NID2: variants seen among roughly 807,000 people sequenced by gnomAD.
NID2 encodes the protein nidogen-2.
A neutral mutation model predicts 145.4 loss-of-function variants in NID2; 83 were observed. The observed-to-expected ratio is 0.57, with a 90% confidence interval of 0.48 to 0.69. The LOEUF (loss-of-function observed/expected upper bound fraction) is 0.69. NID2 is among the 30% of genes least tolerant of loss of function. The pLI, the probability that NID2 is intolerant of heterozygous loss-of-function variation, is 0.00. For synonymous variants in NID2, 739 were observed against 701.3 expected, an observed-to-expected ratio of 1.05 and a Z score of -0.85; for missense variants, 1,807 against 1,765.7, an observed-to-expected ratio of 1.02 and a Z score of -0.42.
chr14:52,049,262 GGAAA>G (rs1458804748), intron 5 of NID2, among the ~76,000 whole-genome samples: 3 of 151,872 alleles, frequency 2.0e-5, no homozygotes, highest in Non-Finnish European at 2.9e-5. Context: ...AGATATCAGA[GGAAA>G]GAAAGAAATG....
chr14:52,025,627 ACT>A (rs1265345570), intron 12 of NID2, among the ~76,000 whole-genome samples: 2 of 152,018 alleles, frequency 1.3e-5, no homozygotes, highest in Non-Finnish European at 2.9e-5. Context: ...GCTGGTTGGG[ACT>A]CTCAGTAGAG....
intron 20 of NID2, 92 bp downstream of exon 20, chr14:52,006,445 G>T: frequency 6.9e-7 from 1 of 1,457,986 alleles, no homozygotes; most frequent in Non-Finnish European, 9.4e-7. Flanking sequence ...GGCTTAATGA[G>T]TCAAGTCAGG....
chr14:52,066,375 G>C (rs1442408327), intron 2 of NID2, among the ~76,000 whole-genome samples: 1 of 151,708 alleles, frequency 6.6e-6, no homozygotes, highest in Non-Finnish European at 1.5e-5. Context: ...TAGCACAACA[G>C]GGTGACTATA....
intron 3 of NID2, among the ~76,000 whole-genome samples, chr14:52,055,945 G>GTT: frequency 6.6e-6 from 1 of 151,914 alleles, no homozygotes; most frequent in East Asian, 1.9e-4. Flanking sequence ...GTGTGTTTGT[G>GTT]TGTGTGTGTG....
chr14:52,054,211 G>C lies in NID2; in HGVS notation c.878C>G (p.Ser293Cys). The C allele has an allele frequency of 1.2e-6, 2 of 1,614,208 alleles. No individual in the cohort carries two copies. The highest frequency in any genetic ancestry group is 8.5e-7 in the Non-Finnish European group (1 of 1,180,026). Residue 293 changes from serine (S) to cysteine (C), a missense_variant, in exon 4 of 22, where the codon TCT becomes TGT. Ser to Cys is a moderately radical substitution (Grantham distance 112). Transcript: ENST00000216286. ...GCTGAAGGAACGTCCCAGGGGAACA[G>C]AAGAGTGGGCAGCGGAAAGGTCTCC... is the stretch of plus-strand genomic sequence containing the variant. ...AVGDLSAAHS[S>C]VPLGRSFSHA...
chr14:52,023,345 T>C (rs1421855254), intron 12 of NID2, among the ~76,000 whole-genome samples: 3 of 121,098 alleles, frequency 2.5e-5, no homozygotes. Context: ...GGCATGCTAC[T>C]TGGGGGGGCT....
At chr14:52,066,622 C>T (rs1893225645) in intron 2 of NID2, among the ~76,000 whole-genome samples, 1 of 152,074 alleles carries the variant, frequency 6.6e-6, no homozygotes, top group South Asian at 2.1e-4. Flanking sequence ...AGTCCCCATA[C>T]AAAAGATATA....
chr14:52,019,390 T>A, intron 13 of NID2, 96 bp from the exon 14 acceptor site: 1 of 934,268 alleles, frequency 1.1e-6, no homozygotes, highest in Non-Finnish European at 1.6e-6. Context: ...GGAAAAGCGC[T>A]GGGATTTTGG....
At position 52,068,050 on chromosome 14, in the gene NID2, G is replaced by A. The variant is rs1266458704; in HGVS notation, c.342C>T (p.Asp114=). The part of the protein sequence containing the change: ...PAIAPFLADI[D]TSHGRGRVLY... ...GGACTCGGCCTCTGCCGTGGCTCGT[G>A]TCGATGTCCGCCAGAAAAGGGGCGA... The change falls in exon 2 of 22, where the codon GAC becomes GAT. Residue 114 remains aspartate, a synonymous_variant. Transcript: ENST00000216286. 4.3e-6 allele frequency: 7 copies of A among 1,613,606 alleles called. No individual in the cohort carries two copies. The highest frequency in any genetic ancestry group is 5.9e-6 in the Non-Finnish European group (7 of 1,179,880).
Position 52,008,163 on chromosome 14 carries a change from A to T in NID2, c.3723-196T>A, listed in dbSNP as rs140676356. 2,148 of 466,580 alleles carry T rather than the reference A, an allele frequency of 4.6e-3. 7 individuals are homozygous for T. The highest frequency in any genetic ancestry group is 6.0e-3 in the Non-Finnish European group (1,599 of 267,210). 28.9% of individuals were successfully genotyped at this position (466,580 alleles called of 1,614,324 possible). A position where few individuals can be genotyped will look rare whatever the true frequency, so the allele number is the denominator to read the frequency against. Reference sequence around the variant, plus strand: ...CAGAAGTGATAGGCTATCACTGCCGATATTCGGTCTCAAAAAACTGGTTTC... The same window carrying T: ...CAGAAGTGATAGGCTATCACTGCCGTTATTCGGTCTCAAAAAACTGGTTTC... On this transcript the variant is annotated intron_variant, in intron 18 of 21. Transcript: ENST00000216286.
At chr14:52,060,474 C>T (rs1406743938) in intron 2 of NID2, 118 bp from the exon 3 acceptor site, 13 of 501,138 alleles carry the variant, frequency 2.6e-5, no homozygotes, top group Non-Finnish European at 2.0e-5. Context: ...AAGAACTTCC[C>T]CTTTTTCAGG....
intron 1 of NID2, 25 bp downstream of exon 1, chr14:52,068,742 A>G (rs756564309): frequency 1.4e-5 from 22 of 1,579,772 alleles, no homozygotes; most frequent in Non-Finnish European, 1.9e-5. Context: ...CTGCGGGAAA[A>G]GTGCCAGGAG....
chr14:52,050,166 C>T (rs1305121694), intron 5 of NID2, among the ~76,000 whole-genome samples: 1 of 152,180 alleles, frequency 6.6e-6, no homozygotes, highest in Non-Finnish European at 1.5e-5. Context: ...TTAAGAATAA[C>T]TAAGACCCCT....
At chr14:52,028,273 GTTT>G (rs879604298) in intron 11 of NID2, among the ~76,000 whole-genome samples, 1 of 26,802 alleles carries the variant, frequency 3.7e-5, no homozygotes, top group Non-Finnish European at 1.1e-4. Flanking sequence ...AGATTTTGTT[GTTT>G]TTTTTTTTGT....
rs770453559 is a variant in NID2, at chr14:52,027,276, A to G, written c.2599T>C (p.Cys867Arg). Reference protein sequence around the residue: ...HTCAPAGQARCVHHGGSTFSC... With the variant: ...HTCAPAGQARRVHHGGSTFSC... ...AACGTGCTGCCTCCATGGTGAACACACCGGGCCTGCCCAGCAGGAGCACAG... is the reference window on the plus strand; with the variant it reads ...AACGTGCTGCCTCCATGGTGAACACGCCGGGCCTGCCCAGCAGGAGCACAG... Residue 867 changes from cysteine to arginine, a missense_variant, in exon 12 of 22, where the codon TGT becomes CGT. By Grantham distance (180) the Cys-to-Arg change is radical. Transcript: ENST00000216286. The G allele has an allele frequency of 1.1e-5, 17 of 1,598,220 alleles. No homozygotes were observed. Among genetic ancestry groups the G allele is most frequent in the Non-Finnish European group, 1.4e-5 (16 of 1,173,184 alleles).
intron 5 of NID2, among the ~76,000 whole-genome samples, chr14:52,052,894 A>G (rs1049869545): frequency 2.0e-5 from 3 of 152,208 alleles, no homozygotes; most frequent in African/African-American, 7.2e-5. Context: ...GAAGACTGAC[A>G]TAGACCCCAT....
In NID2 at chr14:52,053,578, C is replaced by T. The variant is rs752253184; in HGVS notation, c.1429+1G>A. ...AGCACCCAGTTTTCTAATGCACTCA[C>T]CCTCGGTGTTGGAACCTATGTTGTC... On this transcript the variant is annotated splice_donor_variant, in intron 5 of 21. Transcript: ENST00000216286. LOFTEE classifies it high-confidence loss of function. 5.0e-6 allele frequency: 8 copies of T among 1,610,270 alleles called. No individual in the cohort carries two copies. The highest frequency in any genetic ancestry group is 5.9e-6 in the Non-Finnish European group (7 of 1,177,444).
intron 5 of NID2, among the ~76,000 whole-genome samples, chr14:52,052,949 C>T (rs1181976003): frequency 1.3e-5 from 2 of 152,230 alleles, no homozygotes; most frequent in Non-Finnish European, 2.9e-5. Flanking sequence ...TCTCCCTCCT[C>T]GCCTCTCAGT....
Position 52,042,427 on chromosome 14 carries a change from C to T in NID2, c.1580-77G>A, listed in dbSNP as rs374766060. Reference sequence around the variant, plus strand: ...GGTGTACCCAGGTATAATTATTCCACTGACAACTTCCAAAACTCACTCTTT... The same window carrying T: ...GGTGTACCCAGGTATAATTATTCCATTGACAACTTCCAAAACTCACTCTTT... On this transcript the variant is annotated intron_variant, in intron 6 of 21. Coordinates refer to ENST00000216286, the MANE Select transcript of NID2 (RefSeq NM_007361.4). 36 of 1,482,112 alleles carry T rather than the reference C, an allele frequency of 2.4e-5. No homozygotes were observed. The African/African-American group carries it at 4.3e-4, about 18-fold the overall frequency. The allele number at this position is 1,482,112 out of a possible 1,614,324, so 91.8% of individuals were successfully genotyped here.
Sources: allele counts gnomAD v4.1 joint callset (sites outside exome capture counted in the v4.1 genomes callset), GRCh38; gene constraint gnomAD v4.1.1; transcripts MANE v1.5; gene names NCBI Gene and HGNC (gene_info 2026-07-23, HGNC 2026-07-21).